The following FAM13C variants were observed in gnomAD, a reference collection of about 807,000 sequenced individuals.
FAM13C encodes protein FAM13C.
Under a neutral mutation model 73.2 loss-of-function variants are expected in FAM13C, and 37 were observed. The ratio of observed to expected loss-of-function variants is 0.51; its 90% CI spans 0.39 to 0.67. The LOEUF is 0.67. FAM13C is among the 30% of genes least tolerant of loss of function. The pLI is 0.00. For synonymous variants in FAM13C, 246 were observed against 260.9 expected (o/e 0.94, Z 0.55); for missense variants, 589 against 715.6 (o/e 0.82, Z 2.02).
intron 5 of FAM13C, among the ~76,000 whole-genome samples, chr10:59,287,475 CT>C (rs200602603): frequency 1.7e-4 from 24 of 143,076 alleles, no homozygotes; most frequent in East Asian, 2.1e-4. Flanking sequence ...ACCTTTCATT[CT>C]TTTTTTTTTA....
intron 3 of FAM13C, among the ~76,000 whole-genome samples, chr10:59,346,598 A>G (rs1854319959): frequency 2.0e-5 from 3 of 152,194 alleles, no homozygotes; most frequent in Admixed American, 2.0e-4. Flanking sequence ...GGGCAGCAGG[A>G]CAGTGCATAG....
chr10:59,339,321 T>C (rs1853183891), intron 3 of FAM13C, among the ~76,000 whole-genome samples: 1 of 152,138 alleles, frequency 6.6e-6, no homozygotes, highest in African/African-American at 2.4e-5. Flanking sequence ...TACTTCTCCC[T>C]TCAACATACA....
At position 59,354,213 on chromosome 10, in the gene FAM13C, A is replaced by G. The variant is rs139848566; in HGVS notation, c.119+1674T>C. Among the ~76,000 whole-genome samples the G allele has an allele frequency of 8.6e-3, 1,306 of 152,288 alleles. 17 individuals carry two copies. Among genetic ancestry groups the G allele is most frequent in the African/African-American group, 0.03 (1,242 of 41,556 alleles). Reference sequence around the variant, plus strand: ...AACTTTGTTTTTATATCATGTTTTCAAGTCAATCAAAATTTAGAAGTGTAA... The same window carrying G: ...AACTTTGTTTTTATATCATGTTTTCGAGTCAATCAAAATTTAGAAGTGTAA... On this transcript the variant is annotated intron_variant, in intron 2 of 13. Transcript: ENST00000618804.
chr10:59,340,938 C>G (rs1853421567), intron 3 of FAM13C, among the ~76,000 whole-genome samples: 1 of 151,930 alleles, frequency 6.6e-6, no homozygotes, highest in Non-Finnish European at 1.5e-5. Context: ...TTCAGAGGAC[C>G]ACGCTCTCTG....
intron 9 of FAM13C, 67 bp from the exon 10 acceptor site, chr10:59,262,712 T>C (rs1408843378): frequency 5.0e-6 from 7 of 1,390,846 alleles, no homozygotes; most frequent in Non-Finnish European, 7.0e-6. Context: ...GGAGAGACTT[T>C]CAGGAATTCC....
chr10:59,329,465 T>C (rs574644029), intron 3 of FAM13C, among the ~76,000 whole-genome samples: 8 of 148,930 alleles, frequency 5.4e-5, no homozygotes, highest in African/African-American at 1.7e-4. Context: ...GTTCAAGCGA[T>C]TCTCCTGCCT....
intron 3 of FAM13C, among the ~76,000 whole-genome samples, chr10:59,331,261 C>A (rs537288609): frequency 6.6e-6 from 1 of 152,128 alleles, no homozygotes; most frequent in Non-Finnish European, 1.5e-5. Context: ...AGGAATGACA[C>A]CAAGCCTAGT....
chr10:59,334,946 C>T (rs2134130714), intron 3 of FAM13C, among the ~76,000 whole-genome samples: 1 of 152,198 alleles, frequency 6.6e-6, no homozygotes, highest in South Asian at 2.1e-4. Flanking sequence ...CAGTAATACT[C>T]CAGTATACCT....
At chr10:59,252,359 A>G (rs1841475253) in intron 12 of FAM13C, among the ~76,000 whole-genome samples, 1 of 152,132 alleles carries the variant, frequency 6.6e-6, no homozygotes, top group Non-Finnish European at 1.5e-5. Flanking sequence ...AGTTAGGAAT[A>G]ACTGCTTTAG....
intron 4 of FAM13C, among the ~76,000 whole-genome samples, chr10:59,319,089 AC>A (rs1564575854): frequency 4.3e-4 from 64 of 149,408 alleles, no homozygotes; most frequent in African/African-American, 1.5e-3. Flanking sequence ...ACACACACAC[AC>A]ACACACACAC....
chr10:59,270,425 C>A, intron 6 of FAM13C: 1 of 233,212 alleles, frequency 4.3e-6, no homozygotes, highest in Non-Finnish European at 8.4e-6. Context: ...GGGTATATTA[C>A]AAAATGTTAG....
upstream of FAM13C, chr10:59,362,689 G>T (rs1856556782): frequency 2.0e-6 from 2 of 995,426 alleles, no homozygotes; most frequent in Non-Finnish European, 2.8e-6. Context: ...GCTGGGCGGG[G>T]CGCGGCGGCG....
chr10:59,274,700 A>G (rs1364874458), intron 6 of FAM13C, among the ~76,000 whole-genome samples: 1 of 152,180 alleles, frequency 6.6e-6, no homozygotes, highest in Non-Finnish European at 1.5e-5. Context: ...CCTGGGATGC[A>G]TTATTTAATG....
chr10:59,325,501 A>G (rs1401119587), intron 3 of FAM13C, among the ~76,000 whole-genome samples: 2 of 152,190 alleles, frequency 1.3e-5, no homozygotes, highest in Non-Finnish European at 2.9e-5. Context: ...TTCCATTAGT[A>G]TGCACTAGTC....
chr10:59,355,034 A>C (rs1289117930), intron 2 of FAM13C, among the ~76,000 whole-genome samples: 1 of 151,976 alleles, frequency 6.6e-6, no homozygotes, highest in Non-Finnish European at 1.5e-5. Flanking sequence ...AAAATAAATA[A>C]AAATCCATAT....
chr10:59,353,163 T>A (rs1855291978), intron 2 of FAM13C, among the ~76,000 whole-genome samples: 1 of 152,214 alleles, frequency 6.6e-6, no homozygotes. Flanking sequence ...GTTATCTTCA[T>A]ATATTCAGGG....
intron 3 of FAM13C, among the ~76,000 whole-genome samples, chr10:59,344,445 AT>A (rs34409864): frequency 1.9e-4 from 27 of 143,562 alleles, no homozygotes; most frequent in African/African-American, 2.3e-4. Flanking sequence ...CGCACGGCTG[AT>A]TTTTTTTTTT....
chr10:59,308,833 C>G (rs1276294588), intron 4 of FAM13C, among the ~76,000 whole-genome samples: 1 of 152,166 alleles, frequency 6.6e-6, no homozygotes, highest in Non-Finnish European at 1.5e-5. Flanking sequence ...TTTGCTGGAA[C>G]CCTAAAGCTC....
intron 4 of FAM13C, among the ~76,000 whole-genome samples, chr10:59,315,213 TA>T (rs1849381986): frequency 6.6e-6 from 1 of 152,118 alleles, no homozygotes; most frequent in African/African-American, 2.4e-5. Flanking sequence ...GCACAAAAAA[TA>T]TTTTTTTAAT....
Sources: allele counts gnomAD v4.1 joint callset (sites outside exome capture counted in the v4.1 genomes callset), GRCh38; gene constraint gnomAD v4.1.1; transcripts MANE v1.5; gene names NCBI Gene and HGNC (gene_info 2026-07-23, HGNC 2026-07-21).